CEACAM16: variants seen among roughly 807,000 people sequenced by gnomAD.
The protein encoded by CEACAM16 is cell adhesion molecule CEACAM16.
CEACAM16 carries 30 observed loss-of-function variants against 39.4 expected under a neutral mutation model. That is an observed-to-expected ratio of 0.76 (90% CI 0.57 to 1.03). The LOEUF is 1.03. Among genes scored for constraint, CEACAM16 ranks in the 50% least tolerant of loss-of-function variants. The probability of loss-of-function intolerance (pLI) is 0.00; values close to 1 mark genes in which losing one functional copy is unlikely to be tolerated. For missense variants in CEACAM16, 521 were observed against 585.3 expected (o/e 0.89, Z 1.13); for synonymous variants, 262 against 264.9 (o/e 0.99, Z 0.11).
At chr19:44,699,570 T>C (rs1974311796) in intron 1 of CEACAM16, 1 of 375,322 alleles carries the variant, frequency 2.7e-6, no homozygotes, top group East Asian at 7.2e-5. Flanking sequence ...AGAGACAGGG[T>C]TTCACCATGC....
chr19:44,709,547 A>T (rs1183842550), intron 6 of CEACAM16, among the ~76,000 whole-genome samples: 1 of 130,618 alleles, frequency 7.7e-6, no homozygotes, highest in Non-Finnish European at 1.6e-5. Context: ...GGGAGCTCCC[A>T]GAGTCAGGGT....
Position 44,703,700 on chromosome 19 carries a change from C to T in CEACAM16, c.382+7C>T. ...GGACACGTGCAGGTCCATGGTGAGA[C>T]ACCCCCCAACACCCGCCTCTGCCCC... On this transcript the variant is annotated splice_region_variant and intron_variant, in intron 3 of 6. Transcript: ENST00000587331. 1.3e-6 allele frequency: 2 copies of T among 1,483,624 alleles called. No individual in the cohort carries two copies. The highest frequency in any genetic ancestry group is 1.8e-6 in the Non-Finnish European group (2 of 1,108,512). 91.9% of individuals were successfully genotyped at this position (1,483,624 alleles called of 1,614,324 possible).
intron 3 of CEACAM16, 46 bp from the exon 4 acceptor site, chr19:44,703,972 G>A (rs374156875): frequency 4.1e-4 from 631 of 1,533,556 alleles, no homozygotes; most frequent in South Asian, 5.7e-4. Context: ...GGCCCTCAGA[G>A]CAGGTGGTGT....
At chr19:44,703,992 T>C in intron 3 of CEACAM16, 26 bp from the exon 4 acceptor site, 7 of 1,530,266 alleles carry the variant, frequency 4.6e-6, no homozygotes, top group Admixed American at 3.7e-5. Context: ...TCCGGCCCCC[T>C]CCCCCTCTGT....
chr19:44,699,688 C>A (rs558283980), intron 1 of CEACAM16, among the ~76,000 whole-genome samples: 3 of 152,010 alleles, frequency 2.0e-5, no homozygotes, highest in South Asian at 4.1e-4. Flanking sequence ...TGAGCCACCA[C>A]GCCCGGCCAG....
At chr19:44,707,589 C>T (rs920905097) in intron 5 of CEACAM16, among the ~76,000 whole-genome samples, 1 of 152,144 alleles carries the variant, frequency 6.6e-6, no homozygotes, top group African/African-American at 2.4e-5. Flanking sequence ...GAGACATGAC[C>T]CAAGCCTCTA....
At chr19:44,709,388 G>T (rs1319633248) in intron 6 of CEACAM16, among the ~76,000 whole-genome samples, 3 of 145,992 alleles carry the variant, frequency 2.1e-5, no homozygotes, top group South Asian at 2.2e-4. Context: ...CAGAGTCAGG[G>T]TCTATGTCTC....
At position 44,701,210 on chromosome 19, in the gene CEACAM16, G is replaced by A. The variant is rs1438581320; in HGVS notation, c.-96-151G>A. 10 of 602,790 alleles carry A rather than the reference G, an allele frequency of 1.7e-5. No homozygotes were observed. The highest frequency in any genetic ancestry group is 4.4e-4 in the Middle Eastern group (1 of 2,280). The allele number at this position is 602,790 out of a possible 1,614,324, so 37.3% of individuals were successfully genotyped here. A position where few individuals can be genotyped will look rare whatever the true frequency, so the allele number is the denominator to read the frequency against. On this transcript the variant is annotated intron_variant, in intron 1 of 6. Coordinates refer to ENST00000587331, the MANE Select transcript of CEACAM16 (RefSeq NM_001039213.4). The surrounding 1 kb of genome is among the most constrained non-coding windows in gnomAD (Gnocchi z 4.0). ...GCCCTCGGCACAAAGAGGGTTAGGCGGCTGCCCCAGGAGGCCTGCCCAGGT... is the reference window on the plus strand; with the variant it reads ...GCCCTCGGCACAAAGAGGGTTAGGCAGCTGCCCCAGGAGGCCTGCCCAGGT...
intron 3 of CEACAM16, 105 bp from the exon 4 acceptor site, chr19:44,703,913 G>C (rs1236532911): frequency 5.3e-6 from 7 of 1,329,742 alleles, no homozygotes; most frequent in South Asian, 1.5e-5. Context: ...GGCTGAGGGT[G>C]TGGGGGCCCA....
chr19:44,702,944 C>T (rs1974372599), intron 2 of CEACAM16, among the ~76,000 whole-genome samples: 1 of 152,220 alleles, frequency 6.6e-6, no homozygotes, highest in African/African-American at 2.4e-5. Flanking sequence ...TCACAACACA[C>T]GCCTCCCTCC....
chr19:44,706,269 TACACAC>T (rs57354088), intron 5 of CEACAM16, among the ~76,000 whole-genome samples: 1,883 of 132,674 alleles, frequency 0.014, 54 homozygotes, highest in African/African-American at 0.047. Context: ...ATGATGGGTA[TACACAC>T]ACACACACAC....
chr19:44,704,752 C>CA (rs1440511619), intron 4 of CEACAM16, among the ~76,000 whole-genome samples: 1,430 of 90,672 alleles, frequency 0.016, 21 homozygotes, highest in East Asian at 0.081. Flanking sequence ...AACAAACAAA[C>CA]AAAAAAAAAC....
In CEACAM16 at chr19:44,703,686, G is replaced by T; in HGVS notation, c.375G>T (p.Gln125His). Residue 125 changes from glutamine (Q) to histidine (H), a missense_variant, in exon 3 of 7, where the codon CAG becomes CAT. By Grantham distance (24) the Gln-to-His change is conservative. Coordinates refer to ENST00000587331, the MANE Select transcript of CEACAM16 (RefSeq NM_001039213.4). ...CCGAGGTGGGCTACGGACACGTGCA[G>T]GTCCATGGTGAGACACCCCCCAACA... Reference protein sequence around the residue: ...LQTEVGYGHVQVHEILAQPTV... With the variant: ...LQTEVGYGHVHVHEILAQPTV... The T allele has an allele frequency of 6.6e-7, 1 of 1,524,900 alleles. No homozygotes were observed. Among genetic ancestry groups the T allele is most frequent in the Non-Finnish European group, 8.9e-7 (1 of 1,129,088 alleles). The allele number at this position is 1,524,900 out of a possible 1,614,324, so 94.5% of individuals were successfully genotyped here.
In CEACAM16 at chr19:44,704,838, A is replaced by G. The variant is rs149389724; in HGVS notation, c.661+542A>G. Among the ~76,000 whole-genome samples, 17 of 152,318 alleles carry G rather than the reference A, an allele frequency of 1.1e-4. No homozygotes were observed. The East Asian group carries it at 3.3e-3, about 29-fold the overall frequency. The stretch of plus-strand genomic sequence containing the variant: ...TACAGACCACCTTTACTATTGAATA[A>G]TCCTTCAGTTAGGAGCAATATCTAC... On this transcript the variant is annotated intron_variant, in intron 4 of 6. Transcript: ENST00000587331.
rs562946193 is a variant in CEACAM16, at chr19:44,709,971, G to A, written c.1268-525G>A. The stretch of plus-strand genomic sequence containing the variant: ...TCCATCTGACTGAGCATCCCCAGAG[G>A]TCTGAGTCCATGTCCCTACAGCAGG... On this transcript the variant is annotated intron_variant, in intron 6 of 6. Transcript: ENST00000587331. Among the ~76,000 whole-genome samples the A allele has an allele frequency of 4.6e-5, 7 of 152,344 alleles. No homozygotes were observed. The South Asian group carries it at 1.4e-3, about 32-fold the overall frequency.
Position 44,705,963 on chromosome 19 carries a change from A to G in CEACAM16, c.940+95A>G, listed in dbSNP as rs1974440814. On this transcript the variant is annotated intron_variant, in intron 5 of 6. Transcript: ENST00000587331. ...ACCATTTGCCCAACAGAGAATTGGA[A>G]CATGGTAGATTCACAGTTCATTCAT... 4 of 1,385,896 alleles carry G rather than the reference A, an allele frequency of 2.9e-6. No homozygotes were observed. The African/African-American group carries it at 4.3e-5, about 15-fold the overall frequency. 85.8% of individuals were successfully genotyped at this position (1,385,896 alleles called of 1,614,324 possible). A position where few individuals can be genotyped will look rare whatever the true frequency, so the allele number is the denominator to read the frequency against.
chr19:44,701,427 C>T lies in CEACAM16; in HGVS notation c.-30C>T. The T allele has an allele frequency of 6.4e-7, 1 of 1,557,534 alleles. No homozygotes were observed. The highest frequency in any genetic ancestry group is 1.2e-5 in the South Asian group (1 of 84,422). On this transcript the variant is annotated 5_prime_UTR_variant, in exon 2 of 7. Transcript: ENST00000587331. The surrounding 1 kb of genome is among the most constrained non-coding windows in gnomAD (Gnocchi z 4.0). ...TCCGAGCACTGGGACTTCAACGCCA[C>T]CATCTCCAAGACTCGGTTTGGGGTG...
At chr19:44,708,657 CTGGGAGATCCTGTGCAG>C (rs1974489456) in intron 6 of CEACAM16, among the ~76,000 whole-genome samples, 1 of 152,198 alleles carries the variant, frequency 6.6e-6, no homozygotes, top group African/African-American at 2.4e-5. Flanking sequence ...CCTATTCAGA[CTGGGAGATCCTGTGCAG>C]TGGGGATCAT....
intron 6 of CEACAM16, among the ~76,000 whole-genome samples, chr19:44,710,074 G>T (rs1974514290): frequency 6.6e-6 from 1 of 152,214 alleles, no homozygotes; most frequent in Non-Finnish European, 1.5e-5. Flanking sequence ...TCCCCCAGCA[G>T]ACAGAGCATT....
Sources: gnomAD v4.1 joint callset for allele counts (sites outside exome capture counted in the v4.1 genomes callset) on GRCh38, gnomAD v4.1.1 for gene constraint, Gnocchi (gnomAD v3.1) non-coding constraint, MANE v1.5 for transcripts, NCBI Gene and HGNC (gene_info 2026-07-23, HGNC 2026-07-21) for gene names.